ZNF410: variants seen among roughly 807,000 people sequenced by gnomAD.
The protein encoded by ZNF410 is another partner for ARF 1.
Under a neutral mutation model 54.8 loss-of-function variants are expected in ZNF410, and 18 were observed. The observed-to-expected ratio is 0.33, with a 90% confidence interval of 0.23 to 0.49. The LOEUF (loss-of-function observed/expected upper bound fraction) is 0.49. Ranked by LOEUF, ZNF410 falls within the 20% of genes least tolerant of loss-of-function variation. ZNF410 has a pLI of 0.99. For synonymous variants in ZNF410, 191 were observed against 207.3 expected (o/e 0.92, Z 0.68); for missense variants, 405 against 569.6 (o/e 0.71, Z 2.94).
chr14:73,898,338 G>A (rs1239206707), intron 5 of ZNF410, 76 bp downstream of exon 5: 2 of 1,432,348 alleles, frequency 1.4e-6, no homozygotes, highest in East Asian at 4.8e-5. Flanking sequence ...GGTTTGAGTT[G>A]TATATAATTT....
At position 73,908,184 on chromosome 14, in the gene ZNF410, C is replaced by T. The variant is rs149575063; in HGVS notation, c.914-1157C>T. Among the ~76,000 whole-genome samples the T allele has an allele frequency of 2.8e-3, 428 of 152,310 alleles. 3 individuals carry two copies. The highest frequency in any genetic ancestry group is 9.9e-3 in the African/African-American group (411 of 41,562). On this transcript the variant is annotated intron_variant, in intron 7 of 11. Coordinates refer to ENST00000555044, the MANE Select transcript of ZNF410 (RefSeq NM_021188.3). ...GCATTGTCTTTTAAACCTCTTCCTTCTCCTGTGTCCGTTATCCCAGTGAAA... is the reference window on the plus strand; with the variant it reads ...GCATTGTCTTTTAAACCTCTTCCTTTTCCTGTGTCCGTTATCCCAGTGAAA...
intron 1 of ZNF410, among the ~76,000 whole-genome samples, chr14:73,890,136 T>C (rs11628074): frequency 0.49 from 73,976 of 150,890 alleles, 18,265 homozygotes; most frequent in South Asian, 0.61. Context: ...GGATTTCAGG[T>C]AGCTTAGAAA....
chr14:73,905,964 CACACATAT>C (rs1459769451), intron 7 of ZNF410, among the ~76,000 whole-genome samples: 87 of 100,608 alleles, frequency 8.6e-4, no homozygotes, highest in Middle Eastern at 4.8e-3. Context: ...CACACACACA[CACACATAT>C]ATATATATAT....
At position 73,908,094 on chromosome 14, in the gene ZNF410, T is replaced by C. The variant is rs574841731; in HGVS notation, c.914-1247T>C. Among the ~76,000 whole-genome samples the C allele has an allele frequency of 5.3e-5, 8 of 152,288 alleles. No individual in the cohort carries two copies. The South Asian group carries it at 1.7e-3, about 32-fold the overall frequency. On this transcript the variant is annotated intron_variant, in intron 7 of 11. Coordinates refer to ENST00000555044, the MANE Select transcript of ZNF410 (RefSeq NM_021188.3). ...CCTTCCCCATGCAAATAAGTGGTAG[T>C]GCCAGGATCTGAAGTCAGAATTGGA...
intron 8 of ZNF410, among the ~76,000 whole-genome samples, chr14:73,911,660 T>G (rs1291514186): frequency 6.6e-6 from 1 of 152,212 alleles, no homozygotes; most frequent in African/African-American, 2.4e-5. Context: ...AACAGTGGTG[T>G]TATACCTGTC....
At chr14:73,896,024 G>A in intron 3 of ZNF410, 1 of 359,728 alleles carries the variant, frequency 2.8e-6, no homozygotes, top group South Asian at 4.3e-5. Context: ...CTGATTTCTG[G>A]CCTCAAAAAG....
chr14:73,931,925 A>T lies in ZNF410; in HGVS notation c.*384A>T. The T allele has an allele frequency of 2.2e-6, 1 of 457,682 alleles. No individual in the cohort carries two copies. Among genetic ancestry groups the T allele is most frequent in the Non-Finnish European group, 4.4e-6 (1 of 227,868 alleles). 28.4% of individuals were successfully genotyped at this position (457,682 alleles called of 1,614,324 possible). ...TCAGCTGTCTTTTCACATGGATGAA[A>T]TAATTCCTGCTACCAACAACAGAGC... On this transcript the variant is annotated 3_prime_UTR_variant, in exon 12 of 12. Transcript: ENST00000555044.
At chr14:73,897,027 G>A (rs1023428347) in intron 4 of ZNF410, among the ~76,000 whole-genome samples, 1 of 152,182 alleles carries the variant, frequency 6.6e-6, no homozygotes, top group Non-Finnish European at 1.5e-5. Flanking sequence ...AACAGAACAG[G>A]AAGGAGCAGC....
At chr14:73,898,601 G>T (rs2055358826) in intron 5 of ZNF410, 1 of 393,394 alleles carries the variant, frequency 2.5e-6, no homozygotes, top group South Asian at 6.5e-5. Context: ...TATACTTAGA[G>T]CTCTTATACC....
chr14:73,901,558 A>T (rs1417682845), intron 5 of ZNF410, among the ~76,000 whole-genome samples: 1 of 151,520 alleles, frequency 6.6e-6, no homozygotes, highest in Non-Finnish European at 1.5e-5. Context: ...CTATTTTATG[A>T]TTATATTAAT....
intron 8 of ZNF410, 31 bp downstream of exon 8, chr14:73,909,461 AG>A: frequency 6.3e-7 from 1 of 1,585,442 alleles, no homozygotes; most frequent in Non-Finnish European, 8.6e-7. Flanking sequence ...CATAGATTTT[AG>A]GAAAAGTAGA....
intron 2 of ZNF410, among the ~76,000 whole-genome samples, chr14:73,892,415 T>C (rs1347701093): frequency 6.6e-6 from 1 of 151,850 alleles, no homozygotes; most frequent in East Asian, 1.9e-4. Flanking sequence ...TGTTTTTCAG[T>C]ATATGTGAAA....
chr14:73,912,169 CTTTTTTTTTTT>C (rs34162465), intron 8 of ZNF410, among the ~76,000 whole-genome samples: 1 of 128,578 alleles, frequency 7.8e-6, no homozygotes, highest in Non-Finnish European at 1.6e-5. Context: ...CTTTCACTTT[CTTTTTTTTTTT>C]TTTTTTTTTG....
chr14:73,905,942 T>TACACACACAC lies in ZNF410; in HGVS notation c.913+860_913+861insCACACACACA, dbSNP rs1322750179. Among the ~76,000 whole-genome samples the TACACACACAC allele has an allele frequency of 3.0e-4, 27 of 89,452 alleles. 1 individual carries two copies. The highest frequency in any genetic ancestry group is 1.6e-3 in the African/African-American group (26 of 16,208). The allele number at this position is 89,452 out of a possible 152,430, so 58.7% of individuals were successfully genotyped here. ...ATATATATACACATACATACATATA[T>TACACACACAC]ATACACACACACACACACACACACA... On this transcript the variant is annotated intron_variant, in intron 7 of 11. Coordinates refer to ENST00000555044, the MANE Select transcript of ZNF410 (RefSeq NM_021188.3).
intron 9 of ZNF410, among the ~76,000 whole-genome samples, chr14:73,921,526 G>A (rs1159529421): frequency 6.6e-6 from 1 of 152,106 alleles, no homozygotes; most frequent in Non-Finnish European, 1.5e-5. Context: ...CACCCAGGCT[G>A]GAGTGCAGTG....
intron 7 of ZNF410, chr14:73,906,377 G>A (rs565819085): frequency 3.9e-5 from 6 of 152,156 alleles, no homozygotes; most frequent in Non-Finnish European, 7.3e-5. Flanking sequence ...CACTTGATCT[G>A]TAACTGACTG....
chr14:73,887,556 G>A (rs1009765004), intron 1 of ZNF410: 12 of 152,086 alleles, frequency 7.9e-5, no homozygotes, highest in Non-Finnish European at 1.3e-4. Context: ...TTGATCATGA[G>A]GCTCAGAAAT....
chr14:73,924,027 A>G (rs1407713965), intron 11 of ZNF410, among the ~76,000 whole-genome samples: 1 of 152,202 alleles, frequency 6.6e-6, no homozygotes, highest in African/African-American at 2.4e-5. Flanking sequence ...ATCATTAAAC[A>G]TAATTATTGT....
intron 2 of ZNF410, 30 bp downstream of exon 2, chr14:73,892,238 T>C: frequency 6.2e-7 from 1 of 1,610,126 alleles, no homozygotes; most frequent in Non-Finnish European, 8.5e-7. Context: ...TTCCTTTTCT[T>C]TTGGTGGGCT....
Sources: gnomAD v4.1 joint callset for allele counts (sites outside exome capture counted in the v4.1 genomes callset) on GRCh38, gnomAD v4.1.1 for gene constraint, MANE v1.5 for transcripts, NCBI Gene and HGNC (gene_info 2026-07-23, HGNC 2026-07-21) for gene names.